Variants in ADAM12 observed in about 807,000 individuals in gnomAD.
ADAM12 encodes ADAM metallopeptidase domain 12.
In ADAM12, 70 loss-of-function variants were observed where a neutral mutation model predicts 106.4. That is an observed-to-expected ratio of 0.66 (90% CI 0.54 to 0.80). The LOEUF (loss-of-function observed/expected upper bound fraction) is 0.80, where lower values mean the gene tolerates loss of function less well. ADAM12 is among the 30% of genes least tolerant of loss of function. The probability of loss-of-function intolerance (pLI) is 0.00; values close to 1 mark genes in which losing one functional copy is unlikely to be tolerated. For synonymous variants in ADAM12, 420 were observed against 433.5 expected (o/e 0.97, Z 0.39); for missense variants, 1,010 against 1,171.9 (o/e 0.86, Z 2.02).
chr10:126,072,810 C>T (rs1396942365), intron 11 of ADAM12, among the ~76,000 whole-genome samples: 2 of 152,208 alleles, frequency 1.3e-5, no homozygotes, highest in Non-Finnish European at 2.9e-5. Flanking sequence ...GGAGCAGGGG[C>T]TGCTGTCCAG....
Position 126,090,132 on chromosome 10 carries a change from C to T in ADAM12, c.1145+3853G>A, listed in dbSNP as rs143546600. Among the ~76,000 whole-genome samples, 964 of 152,116 alleles carry T rather than the reference C, an allele frequency of 6.3e-3. 6 individuals are homozygous for T. The highest frequency in any genetic ancestry group is 0.011 in the Non-Finnish European group (723 of 67,984). ...ATTTTCCATTTTTCAACTCTTTTCA[C>T]CACTAGAACACCAGTTCCAAGAGGG... On this transcript the variant is annotated intron_variant, in intron 11 of 22. Coordinates refer to ENST00000448723, the MANE Select transcript of ADAM12 (RefSeq NM_001288973.2).
chr10:126,070,581 G>A (rs1954967610), intron 12 of ADAM12: 1 of 152,186 alleles, frequency 6.6e-6, no homozygotes, highest in African/African-American at 2.4e-5. Context: ...TTTCAGAGCA[G>A]CCCTTGGAGA....
At chr10:126,087,170 AT>A (rs1427335670) in intron 11 of ADAM12, among the ~76,000 whole-genome samples, 10 of 152,162 alleles carry the variant, frequency 6.6e-5, no homozygotes. Context: ...CTTGACCTCT[AT>A]TTTGTGTACA....
intron 3 of ADAM12, among the ~76,000 whole-genome samples, chr10:126,186,838 G>C (rs1957408177): frequency 6.6e-6 from 1 of 152,166 alleles, no homozygotes; most frequent in Non-Finnish European, 1.5e-5. Flanking sequence ...CTGCAGGATG[G>C]ACAGCGAACA....
chr10:126,086,665 AAAAAAAAAAAAAAAAATAT>A, intron 11 of ADAM12, among the ~76,000 whole-genome samples: 1 of 57,614 alleles, frequency 1.7e-5, no homozygotes, highest in South Asian at 7.9e-4. Context: ...AAAAAAAAAA[AAAAAAAAAAAAAAAAATAT>A]ATATATATAT....
At position 126,140,104 on chromosome 10, in the gene ADAM12, G is replaced by C. The variant is rs569070109; in HGVS notation, c.340-4444C>G. ...AGAGAGTGAAAGGTTGGCAGCTGCT[G>C]TTAGGATTTTGGCTGCTTAAGGTAA... On this transcript the variant is annotated intron_variant, in intron 4 of 22. Transcript: ENST00000448723. Among the ~76,000 whole-genome samples, 4 of 152,298 alleles carry C rather than the reference G, an allele frequency of 2.6e-5. No individual in the cohort carries two copies. In the South Asian group the frequency reaches 8.3e-4, roughly 32 times the overall value.
At chr10:126,153,232 T>A (rs1174056737) in intron 4 of ADAM12, among the ~76,000 whole-genome samples, 1 of 152,242 alleles carries the variant, frequency 6.6e-6, no homozygotes, top group Non-Finnish European at 1.5e-5. Context: ...CCCTTAGCTC[T>A]CAAGTTTTAA....
chr10:126,215,144 G>A (rs988046534), intron 3 of ADAM12, among the ~76,000 whole-genome samples: 10 of 152,304 alleles, frequency 6.6e-5, no homozygotes, highest in African/African-American at 2.4e-4. Context: ...CTTCTGTGAG[G>A]GGCACTCAGC....
chr10:126,022,627 CT>C (rs1953789587), intron 21 of ADAM12, among the ~76,000 whole-genome samples: 1 of 152,236 alleles, frequency 6.6e-6, no homozygotes, highest in African/African-American at 2.4e-5. Flanking sequence ...CTAGGTGTTG[CT>C]TTTCATTCTG....
At chr10:126,087,968 G>A (rs1199310555) in intron 11 of ADAM12, among the ~76,000 whole-genome samples, 2 of 152,118 alleles carry the variant, frequency 1.3e-5, no homozygotes, top group Non-Finnish European at 2.9e-5. Flanking sequence ...TTCCGAGATC[G>A]GTTTAGACTG....
At chr10:126,214,123 A>C (rs1957945812) in intron 3 of ADAM12, among the ~76,000 whole-genome samples, 1 of 152,270 alleles carries the variant, frequency 6.6e-6, no homozygotes, top group African/African-American at 2.4e-5. Flanking sequence ...ATGAGGGTTC[A>C]TTGAACATGT....
At chr10:126,091,133 T>G (rs960351305) in intron 11 of ADAM12, 1 of 124,324 alleles carries the variant, frequency 8.0e-6, no homozygotes, top group African/African-American at 2.6e-5. Flanking sequence ...CCAGCAATGA[T>G]GAGTAGGAAT....
At chr10:126,152,176 T>A (rs1400497052) in intron 4 of ADAM12, among the ~76,000 whole-genome samples, 3 of 152,066 alleles carry the variant, frequency 2.0e-5, no homozygotes, top group Non-Finnish European at 2.9e-5. Context: ...TAGAGACTTT[T>A]CTTTTGAGGA....
intron 11 of ADAM12, among the ~76,000 whole-genome samples, chr10:126,074,867 C>G (rs1955068494): frequency 6.6e-6 from 1 of 152,136 alleles, no homozygotes; most frequent in Non-Finnish European, 1.5e-5. Flanking sequence ...CTCAGGGCTC[C>G]TTTCCACATG....
At position 126,094,644 on chromosome 10, in the gene ADAM12, C is replaced by G. The variant is rs72841006; in HGVS notation, c.997-511G>C. 6.6e-3 allele frequency among the ~76,000 whole-genome samples: 1,007 copies of G among 152,248 alleles called. 6 individuals carry two copies. Among genetic ancestry groups the G allele is most frequent in the Middle Eastern group, 0.014 (4 of 294 alleles). ...GCCTGCCTCTTCCTGTGTGCTTGGT[C>G]GGGGAGGACAGTTGGAAAATTCACA... On this transcript the variant is annotated intron_variant, in intron 10 of 22. Transcript: ENST00000448723.
chr10:126,078,954 G>T (rs142122382), intron 11 of ADAM12, among the ~76,000 whole-genome samples: 1 of 152,078 alleles, frequency 6.6e-6, no homozygotes, highest in Non-Finnish European at 1.5e-5. Flanking sequence ...TCAATGTACC[G>T]ATTTAAACAC....
intron 3 of ADAM12, among the ~76,000 whole-genome samples, chr10:126,174,272 C>T (rs1442596940): frequency 1.3e-5 from 2 of 151,896 alleles, no homozygotes; most frequent in Non-Finnish European, 2.9e-5. Context: ...GTGATATACA[C>T]CATGGCCCTT....
At chr10:126,244,871 G>C (rs1019220026) in intron 3 of ADAM12, among the ~76,000 whole-genome samples, 1 of 152,194 alleles carries the variant, frequency 6.6e-6, no homozygotes, top group African/African-American at 2.4e-5. Context: ...TATTGGAGTT[G>C]TACATTAGCA....
At chr10:126,179,372 C>G (rs1478309910) in intron 3 of ADAM12, among the ~76,000 whole-genome samples, 2 of 152,206 alleles carry the variant, frequency 1.3e-5, no homozygotes, top group African/African-American at 4.8e-5. Context: ...GCACCACTTT[C>G]TTTACACATT....
Sources: gnomAD v4.1 joint callset for allele counts (sites outside exome capture counted in the v4.1 genomes callset) on GRCh38, gnomAD v4.1.1 for gene constraint, MANE v1.5 for transcripts, NCBI Gene and HGNC (gene_info 2026-07-23, HGNC 2026-07-21) for gene names.